Variants in OTOGL observed in about 807,000 individuals in gnomAD.
OTOGL encodes the protein otogelin-like protein.
Under a neutral mutation model 318.5 loss-of-function variants are expected in OTOGL, and 285 were observed. The ratio of observed to expected loss-of-function variants is 0.89; its 90% CI spans 0.81 to 0.99. The LOEUF (loss-of-function observed/expected upper bound fraction) is 0.99. OTOGL is among the 50% of genes least tolerant of loss of function. The probability of loss-of-function intolerance (pLI) is 0.00; values close to 1 mark genes in which losing one functional copy is unlikely to be tolerated. For synonymous variants in OTOGL, 987 were observed against 936.5 expected (o/e 1.05, Z -0.99); for missense variants, 2,899 against 2,845.6 (o/e 1.02, Z -0.43).
chr12:80,266,476 G>A lies in OTOGL; in HGVS notation c.2250G>A (p.Leu750=). The change falls in exon 21 of 59, where the codon CTG becomes CTA. Residue 750 remains leucine, a synonymous_variant. Transcript: ENST00000547103. The part of the protein sequence containing the change: ...FCAVVCQKGM[L]YHHCSSFCLH... The stretch of plus-strand genomic sequence containing the variant: ...CTGTGGTGTGCCAGAAGGGCATGCT[G>A]TACCATCACTGTTCCTCGTTCTGCC... 1 of 1,613,550 alleles carries A rather than the reference G, an allele frequency of 6.2e-7. No homozygotes were observed. The highest frequency in any genetic ancestry group is 8.5e-7 in the Non-Finnish European group (1 of 1,179,712).
At chr12:80,227,262 A>G (rs1878945828) in intron 7 of OTOGL, among the ~76,000 whole-genome samples, 1 of 152,048 alleles carries the variant, frequency 6.6e-6, no homozygotes, top group Non-Finnish European at 1.5e-5. Flanking sequence ...TCAGTATTCA[A>G]TTATTTGTTT....
chr12:80,255,473 T>A (rs1380632444), intron 16 of OTOGL, among the ~76,000 whole-genome samples: 1 of 152,046 alleles, frequency 6.6e-6, no homozygotes, highest in Non-Finnish European at 1.5e-5. Context: ...TTTTCTTTTT[T>A]AAAAAGTAGT....
chr12:80,246,351 T>C (rs1373100160), intron 11 of OTOGL, among the ~76,000 whole-genome samples: 5 of 144,604 alleles, frequency 3.5e-5, no homozygotes, highest in Non-Finnish European at 7.4e-5. Context: ...ATACCTAATT[T>C]ATTGAGAGTT....
chr12:80,144,597 T>C (rs12300078), intron 1 of OTOGL, among the ~76,000 whole-genome samples: 1 of 151,776 alleles, frequency 6.6e-6, no homozygotes, highest in Non-Finnish European at 1.5e-5. Flanking sequence ...GGTCAAATGG[T>C]ATTTCTAGTT....
At chr12:80,100,606 A>C (rs1869081577) in intron 1 of OTOGL, among the ~76,000 whole-genome samples, 1 of 152,174 alleles carries the variant, frequency 6.6e-6, no homozygotes, top group Admixed American at 6.5e-5. Flanking sequence ...GTATTACATG[A>C]ATTCACTCTG....
In OTOGL at chr12:80,139,677, G is replaced by A. The variant is rs115795753; in HGVS notation, c.-20+40072G>A. Among the ~76,000 whole-genome samples the A allele has an allele frequency of 3.9e-3, 599 of 152,120 alleles. 3 individuals are homozygous for A. The highest frequency in any genetic ancestry group is 0.014 in the African/African-American group (566 of 41,510). On this transcript the variant is annotated intron_variant, in intron 1 of 58. Transcript: ENST00000547103. ...TTATAAAATTAAAATATATTTAAAGGCCTTTTTGAATTCCCACTGTGCTTA... is the reference window on the plus strand; with the variant it reads ...TTATAAAATTAAAATATATTTAAAGACCTTTTTGAATTCCCACTGTGCTTA...
Position 80,222,210 on chromosome 12 carries a change from GA to G in OTOGL, c.455del (p.Asp152AlafsTer47), listed in dbSNP as rs1191936195. The G allele has an allele frequency of 1.3e-6, 2 of 1,597,876 alleles. No individual in the cohort carries two copies. Among genetic ancestry groups the G allele is most frequent in the Non-Finnish European group, 1.7e-6 (2 of 1,178,544 alleles). On this transcript the variant is annotated frameshift_variant, in exon 7 of 59. Transcript: ENST00000547103. LOFTEE classifies it high-confidence loss of function. ...AAACTGTTCTTACATTTTTGCAAAG[GA>G]CTGTGGTGATTTGGAGCCTCGGTAC... The part of the protein sequence containing the change: ...PGNCSYIFAK[D>X]CGDLEPRYTV...
chr12:80,337,762 G>A (rs1179664126), intron 42 of OTOGL, among the ~76,000 whole-genome samples: 1 of 151,962 alleles, frequency 6.6e-6, no homozygotes, highest in African/African-American at 2.4e-5. Flanking sequence ...GTTAGCATAG[G>A]TCCATAGATT....
chr12:80,207,432 C>T (rs1167469613), intron 1 of OTOGL, among the ~76,000 whole-genome samples: 2 of 151,898 alleles, frequency 1.3e-5, no homozygotes, highest in Non-Finnish European at 2.9e-5. Context: ...CTCAAACTCC[C>T]GACCTCAGGT....
At chr12:80,118,286 C>A (rs1024505534) in intron 1 of OTOGL, among the ~76,000 whole-genome samples, 2 of 152,150 alleles carry the variant, frequency 1.3e-5, no homozygotes, top group African/African-American at 2.4e-5. Flanking sequence ...TCATACAAAT[C>A]TATGGAAAGG....
chr12:80,125,246 A>G (rs560350115), intron 1 of OTOGL, among the ~76,000 whole-genome samples: 2 of 152,314 alleles, frequency 1.3e-5, no homozygotes, highest in Admixed American at 6.5e-5. Context: ...TTTTAGCATG[A>G]AGGGTTGTTG....
chr12:80,365,886 T>C (rs925733413), intron 52 of OTOGL, among the ~76,000 whole-genome samples: 1 of 152,136 alleles, frequency 6.6e-6, no homozygotes, highest in African/African-American at 2.4e-5. Flanking sequence ...TTAGACACAA[T>C]TCTTGAAACT....
At chr12:80,306,784 TA>T (rs796182806) in intron 29 of OTOGL, among the ~76,000 whole-genome samples, 95 of 121,900 alleles carry the variant, frequency 7.8e-4, no homozygotes, top group Middle Eastern at 9.6e-3. Context: ...TTTTTTTTTT[TA>T]AATTTTATTT....
intron 11 of OTOGL, 32 bp from the exon 12 acceptor site, chr12:80,251,661 T>C (rs375135866): frequency 3.6e-5 from 54 of 1,503,130 alleles, no homozygotes; most frequent in Middle Eastern, 1.7e-4. Context: ...ATATTTCCTA[T>C]GTGATTCTGG....
chr12:80,340,387 T>C (rs980511040), intron 43 of OTOGL, among the ~76,000 whole-genome samples: 2 of 152,176 alleles, frequency 1.3e-5, no homozygotes, highest in Non-Finnish European at 2.9e-5. Flanking sequence ...GATTTGGAAA[T>C]AGGCATTATT....
intron 38 of OTOGL, 144 bp from the exon 39 acceptor site, chr12:80,335,819 G>A (rs1888355270): frequency 4.8e-6 from 3 of 630,038 alleles, no homozygotes. Context: ...ATAAAAAGTT[G>A]CAGCATAATT....
In OTOGL at chr12:80,270,165, A is replaced by G. The variant is rs1419529984; in HGVS notation, c.2518+11A>G. 7 of 1,591,678 alleles carry G rather than the reference A, an allele frequency of 4.4e-6. No individual in the cohort carries two copies. Among genetic ancestry groups the G allele is most frequent in the Non-Finnish European group, 5.2e-6 (6 of 1,161,088 alleles). On this transcript the variant is annotated intron_variant, in intron 23 of 58. Coordinates refer to ENST00000547103, the MANE Select transcript of OTOGL (RefSeq NM_001378609.3). ...CAACGCCCTCTGCTGGTAAGATCTT[A>G]AAAGATGTTTTCCTGAATGAGGGTT... is the stretch of plus-strand genomic sequence containing the variant.
At chr12:80,297,752 C>T (rs1885507613) in intron 27 of OTOGL, among the ~76,000 whole-genome samples, 1 of 152,200 alleles carries the variant, frequency 6.6e-6, no homozygotes, top group Non-Finnish European at 1.5e-5. Flanking sequence ...ACCTCTGCTG[C>T]CTGCTCTTTC....
At position 80,256,393 on chromosome 12, in the gene OTOGL, C is replaced by T. The variant is rs1477895647; in HGVS notation, c.1644C>T (p.Asn548=). ...CTCTGATTCTGGAGGATGATTTTAA[C>T]AAACAAGTGACCCTTGGTAGGGGAG... is the stretch of plus-strand genomic sequence containing the variant. ...SITLILEDDF[N]KQVTLGRGGQ... Residue 548 remains asparagine, a synonymous_variant, in exon 17 of 59, where the codon AAC becomes AAT. Transcript: ENST00000547103. 1 of 1,595,084 alleles carries T rather than the reference C, an allele frequency of 6.3e-7. No homozygotes were observed. The highest frequency in any genetic ancestry group is 8.5e-7 in the Non-Finnish European group (1 of 1,177,378).
Sources: allele counts gnomAD v4.1 joint callset (sites outside exome capture counted in the v4.1 genomes callset), GRCh38; gene constraint gnomAD v4.1.1; transcripts MANE v1.5; gene names NCBI Gene and HGNC (gene_info 2026-07-23, HGNC 2026-07-21).